GSAP: variants seen among roughly 807,000 people sequenced by gnomAD.
GSAP encodes the protein gamma-secretase activating protein.
A neutral mutation model predicts 131.7 loss-of-function variants in GSAP; 118 were observed. That is an observed-to-expected ratio of 0.90 (90% CI 0.77 to 1.04). The LOEUF (loss-of-function observed/expected upper bound fraction) is 1.04. GSAP is among the 50% of genes least tolerant of loss of function. The probability of loss-of-function intolerance (pLI) is 0.00; values close to 1 mark genes in which losing one functional copy is unlikely to be tolerated. For synonymous variants in GSAP, 381 were observed against 363.4 expected (o/e 1.05, Z -0.55); for missense variants, 1,019 against 1,013.2 (o/e 1.01, Z -0.08).
In GSAP at chr7:77,375,053, C is replaced by T. The variant is rs779522397; in HGVS notation, c.785+5G>A. ...AAAATTAGTAACAACCTATGAATAA[C>T]TTACTTAAATCCTGAGTTGCTTAAT... On this transcript the variant is annotated splice_donor_5th_base_variant and intron_variant, in intron 11 of 30. Coordinates refer to ENST00000257626, the MANE Select transcript of GSAP (RefSeq NM_017439.4). The T allele has an allele frequency of 6.9e-7, 1 of 1,444,808 alleles. No individual in the cohort carries two copies. The highest frequency in any genetic ancestry group is 9.7e-7 in the Non-Finnish European group (1 of 1,035,952). The allele number at this position is 1,444,808 out of a possible 1,614,324, so 89.5% of individuals were successfully genotyped here. A position where few individuals can be genotyped will look rare whatever the true frequency, so the allele number is the denominator to read the frequency against.
intron 1 of GSAP, 130 bp downstream of exon 1, chr7:77,416,083 A>G (rs1804383263): frequency 1.9e-6 from 1 of 516,784 alleles, no homozygotes; most frequent in African/African-American, 2.0e-5. Flanking sequence ...TGAGGAGGGG[A>G]GCGACGCCCT....
intron 7 of GSAP, among the ~76,000 whole-genome samples, chr7:77,382,149 T>G (rs573872524): frequency 6.6e-6 from 1 of 151,962 alleles, no homozygotes; most frequent in South Asian, 2.1e-4. Flanking sequence ...TCTAAGTTAG[T>G]AGGTCTTCTC....
At chr7:77,358,817 C>T (rs1171829078) in intron 14 of GSAP, among the ~76,000 whole-genome samples, 1 of 152,114 alleles carries the variant, frequency 6.6e-6, no homozygotes, top group African/African-American at 2.4e-5. Context: ...TAGAACAAAA[C>T]CTCTAAACAA....
rs1254513374 is a variant in GSAP, at chr7:77,377,595, C to T, written c.577-205G>A. 2.0e-5 allele frequency among the ~76,000 whole-genome samples: 3 copies of T among 152,142 alleles called. No individual in the cohort carries two copies. In the East Asian group the frequency reaches 5.8e-4, roughly 29 times the overall value. On this transcript the variant is annotated intron_variant, in intron 8 of 30. Coordinates refer to ENST00000257626, the MANE Select transcript of GSAP (RefSeq NM_017439.4). Reference sequence around the variant, plus strand: ...CATAATTTCATTGCCTCCTCTTCTTCCCACGTATAATATATGATTTTATTC... The same window carrying T: ...CATAATTTCATTGCCTCCTCTTCTTTCCACGTATAATATATGATTTTATTC...
At chr7:77,385,074 C>A (rs1798366839) in intron 6 of GSAP, among the ~76,000 whole-genome samples, 1 of 149,718 alleles carries the variant, frequency 6.7e-6, no homozygotes, top group East Asian at 1.9e-4. Flanking sequence ...CGCTCTGTTG[C>A]CCAGGCTGGA....
At chr7:77,325,095 TG>T (rs749151877) in intron 23 of GSAP, among the ~76,000 whole-genome samples, 6 of 152,018 alleles carry the variant, frequency 3.9e-5, no homozygotes, top group Non-Finnish European at 8.8e-5. Context: ...GGATAACAGG[TG>T]TGAGCAACAG....
Position 77,374,152 on chromosome 7 carries a change from A to T in GSAP, c.789T>A (p.Leu263=). The change falls in exon 12 of 31, where the codon CTT becomes CTA. Residue 263 remains leucine (L), a synonymous_variant. Coordinates refer to ENST00000257626, the MANE Select transcript of GSAP (RefSeq NM_017439.4). ...DISLSNSGFK[L]VNFGCDYHQY... is the part of the protein sequence containing the mutation. ...GATGATAATCACATCCAAAGTTGAC[A>T]AGTCTAAGAACATAAAGAATGAGAA... 6.5e-7 allele frequency: 1 copy of T among 1,527,646 alleles called. No homozygotes were observed. The highest frequency in any genetic ancestry group is 9.0e-7 in the Non-Finnish European group (1 of 1,108,886). The allele number at this position is 1,527,646 out of a possible 1,614,324, so 94.6% of individuals were successfully genotyped here.
chr7:77,356,032 T>C (rs919796064), intron 14 of GSAP, among the ~76,000 whole-genome samples: 1 of 149,116 alleles, frequency 6.7e-6, no homozygotes, highest in Non-Finnish European at 1.5e-5. Flanking sequence ...GCTCAAGCAA[T>C]CCTCCTGCCT....
chr7:77,319,556 G>C (rs765434605), intron 26 of GSAP, among the ~76,000 whole-genome samples: 1 of 152,156 alleles, frequency 6.6e-6, no homozygotes, highest in Non-Finnish European at 1.5e-5. Context: ...ATAAATATCT[G>C]TAAGAACTGA....
chr7:77,332,487 C>T (rs1422542648), intron 19 of GSAP, among the ~76,000 whole-genome samples: 5 of 152,172 alleles, frequency 3.3e-5, no homozygotes, highest in East Asian at 1.9e-4. Context: ...GAGCTCGCCA[C>T]ATGTCAGTGG....
At chr7:77,403,673 G>A (rs1167640679) in intron 3 of GSAP, among the ~76,000 whole-genome samples, 1 of 152,126 alleles carries the variant, frequency 6.6e-6, no homozygotes, top group Admixed American at 6.5e-5. Flanking sequence ...GGTCATTATA[G>A]GATGACCTGG....
chr7:77,313,692 AT>A, intron 27 of GSAP, 143 bp from the exon 28 acceptor site: 1 of 493,516 alleles, frequency 2.0e-6, no homozygotes. Context: ...CATTTTGGAA[AT>A]TTTACTCTGA....
Position 77,395,675 on chromosome 7 carries a change from G to C in GSAP, c.367+1307C>G, listed in dbSNP as rs532480621. Among the ~76,000 whole-genome samples the C allele has an allele frequency of 2.4e-4, 36 of 152,190 alleles. 2 individuals carry two copies. Among genetic ancestry groups the C allele is most frequent in the Admixed American group, 2.4e-3 (36 of 15,282 alleles). On this transcript the variant is annotated intron_variant, in intron 5 of 30. Transcript: ENST00000257626. ...ATCTCCCATAAACAACTTTACTGAG[G>C]CCCCCAAGAAGGTCCCTTGCAGACT...
chr7:77,312,028 C>T, intron 29 of GSAP, 73 bp downstream of exon 29: 2 of 1,179,694 alleles, frequency 1.7e-6, no homozygotes, highest in Non-Finnish European at 2.5e-6. Flanking sequence ...AATTGCTGTC[C>T]ATACAGATAT....
At chr7:77,399,041 T>C (rs1800894303) in intron 3 of GSAP, among the ~76,000 whole-genome samples, 1 of 152,236 alleles carries the variant, frequency 6.6e-6, no homozygotes, top group Admixed American at 6.5e-5. Flanking sequence ...AACTTACTGA[T>C]GGGCATTTAG....
chr7:77,383,668 G>A (rs192143320), intron 6 of GSAP, among the ~76,000 whole-genome samples: 9 of 152,300 alleles, frequency 5.9e-5, no homozygotes, highest in East Asian at 5.8e-4. Context: ...TGACCCCGTC[G>A]GCTGTGATAA....
intron 6 of GSAP, among the ~76,000 whole-genome samples, chr7:77,383,464 A>G (rs913607852): frequency 6.6e-6 from 1 of 152,210 alleles, no homozygotes; most frequent in Non-Finnish European, 1.5e-5. Context: ...ACATAACCAG[A>G]ATTTGTCAAG....
At chr7:77,394,976 A>C (rs946408382) in intron 5 of GSAP, among the ~76,000 whole-genome samples, 1 of 152,216 alleles carries the variant, frequency 6.6e-6, no homozygotes. Context: ...CGTTCATTGC[A>C]CTGTTTCTAA....
chr7:77,391,161 A>G (rs1004110224), intron 5 of GSAP, among the ~76,000 whole-genome samples: 1 of 149,312 alleles, frequency 6.7e-6, no homozygotes, highest in Non-Finnish European at 1.5e-5. Context: ...AAAGAAAAAG[A>G]ATAACCATAT....
Sources: allele counts gnomAD v4.1 joint callset (sites outside exome capture counted in the v4.1 genomes callset), GRCh38; gene constraint gnomAD v4.1.1; transcripts MANE v1.5; gene names NCBI Gene and HGNC (gene_info 2026-07-23, HGNC 2026-07-21).